EML5: variants seen among roughly 807,000 people sequenced by gnomAD.
EML5 encodes the protein EMAP like 5, also known as echinoderm microtubule-associated protein-like 5.
EML5 carries 120 observed loss-of-function variants against 250.0 expected under a neutral mutation model. The observed-to-expected ratio is 0.48, with a 90% CI of 0.41 to 0.56. EML5 has a LOEUF of 0.56. Ranked by LOEUF, EML5 falls within the 20% of genes least tolerant of loss-of-function variation. The pLI is 0.00. For synonymous variants in EML5, 771 were observed against 806.5 expected (o/e 0.96, Z 0.75); for missense variants, 2,006 against 2,437.6 (o/e 0.82, Z 3.73).
chr14:88,760,888 T>G (rs2094231151), intron 1 of EML5, among the ~76,000 whole-genome samples: 1 of 152,136 alleles, frequency 6.6e-6, no homozygotes, highest in Non-Finnish European at 1.5e-5. Flanking sequence ...TTTGTAAAAT[T>G]TATATAGATA....
At chr14:88,694,990 C>T (rs1293214297) in intron 16 of EML5, among the ~76,000 whole-genome samples, 1 of 152,088 alleles carries the variant, frequency 6.6e-6, no homozygotes, top group East Asian at 1.9e-4. Flanking sequence ...CCTATAACTT[C>T]TTTGTGACAT....
At position 88,712,496 on chromosome 14, in the gene EML5, C is replaced by A. The variant is rs200661206; in HGVS notation, c.1445-13G>T. ...ACTTCCTTTCCTCCTAAAAATAAATCAGAGTCTTAATTTAAAAAGTTATTT... is the reference window on the plus strand; with the variant it reads ...ACTTCCTTTCCTCCTAAAAATAAATAAGAGTCTTAATTTAAAAAGTTATTT... On this transcript the variant is annotated splice_polypyrimidine_tract_variant and intron_variant, in intron 9 of 43. Transcript: ENST00000554922. 9.2e-4 allele frequency: 1,464 copies of A among 1,591,112 alleles called. 14 individuals carry two copies. In the Middle Eastern group the frequency reaches 0.022, roughly 24 times the overall value.
chr14:88,715,880 T>A (rs1472083722), intron 8 of EML5, among the ~76,000 whole-genome samples: 1 of 152,094 alleles, frequency 6.6e-6, no homozygotes, highest in Admixed American at 6.6e-5. Context: ...AGGGACCATG[T>A]TGACCAGTGA....
At chr14:88,754,063 A>T (rs2094132027) in intron 2 of EML5, among the ~76,000 whole-genome samples, 1 of 152,014 alleles carries the variant, frequency 6.6e-6, no homozygotes, top group African/African-American at 2.4e-5. Context: ...CTTGAGCCCA[A>T]GAGTATGAGT....
intron 33 of EML5, among the ~76,000 whole-genome samples, chr14:88,633,723 A>T (rs2090565712): frequency 6.6e-6 from 1 of 152,192 alleles, no homozygotes; most frequent in Non-Finnish European, 1.5e-5. Flanking sequence ...TAACTTCATA[A>T]GCATGGTCGT....
chr14:88,736,489 A>G lies in EML5; in HGVS notation c.924T>C (p.Ile308=). 3 of 1,613,990 alleles carry G rather than the reference A, an allele frequency of 1.9e-6. No homozygotes were observed. Among genetic ancestry groups the G allele is most frequent in the Non-Finnish European group, 2.5e-6 (3 of 1,179,870 alleles). The part of the protein sequence containing the change: ...VGTQDSEIFE[I]VVQERNKPFL... ...AAGGTTTATTTCTTTCTTGCACCAC[A>G]ATTTCAAAAATTTCACTGTCCTGTG... Residue 308 remains isoleucine, a synonymous_variant, in exon 7 of 44, where the codon ATT becomes ATC. Coordinates refer to ENST00000554922, the MANE Select transcript of EML5 (RefSeq NM_183387.3).
chr14:88,770,056 G>A (rs1427293323), intron 1 of EML5, among the ~76,000 whole-genome samples: 1 of 151,072 alleles, frequency 6.6e-6, no homozygotes, highest in Non-Finnish European at 1.5e-5. Flanking sequence ...TCGCAACAAA[G>A]CTCAGCAGCA....
At chr14:88,717,940 G>A (rs1403620803) in intron 8 of EML5, among the ~76,000 whole-genome samples, 1 of 152,168 alleles carries the variant, frequency 6.6e-6, no homozygotes, top group East Asian at 1.9e-4. Flanking sequence ...CGTACTATAG[G>A]TTAAAGATAT....
intron 1 of EML5, among the ~76,000 whole-genome samples, chr14:88,764,122 C>A (rs1279698536): frequency 6.6e-6 from 1 of 152,112 alleles, no homozygotes; most frequent in Non-Finnish European, 1.5e-5. Context: ...GATATATTAT[C>A]CTACTGACGG....
At chr14:88,652,959 T>C (rs905110137) in intron 27 of EML5, among the ~76,000 whole-genome samples, 26 of 152,218 alleles carry the variant, frequency 1.7e-4, no homozygotes, top group African/African-American at 5.8e-4. Flanking sequence ...TTTGTTTGTG[T>C]CCTCTCCTAT....
intron 17 of EML5, among the ~76,000 whole-genome samples, chr14:88,690,095 C>A (rs532562130): frequency 6.6e-6 from 1 of 151,962 alleles, no homozygotes; most frequent in Non-Finnish European, 1.5e-5. Flanking sequence ...GTGCAAAGGC[C>A]CCGATACAAC....
intron 13 of EML5, among the ~76,000 whole-genome samples, chr14:88,703,586 T>C (rs1168039433): frequency 6.6e-6 from 1 of 152,174 alleles, no homozygotes; most frequent in Non-Finnish European, 1.5e-5. Flanking sequence ...ATTTTAACAC[T>C]AGAGAAAAAA....
chr14:88,677,115 G>C (rs1407701286), intron 21 of EML5, among the ~76,000 whole-genome samples: 1 of 152,060 alleles, frequency 6.6e-6, no homozygotes, highest in Non-Finnish European at 1.5e-5. Context: ...ATATTGGCCA[G>C]ACTGGTCTCG....
chr14:88,725,424 A>G (rs1434082676), intron 8 of EML5, among the ~76,000 whole-genome samples: 1 of 152,184 alleles, frequency 6.6e-6, no homozygotes, highest in East Asian at 1.9e-4. Flanking sequence ...ATCTGTTCAT[A>G]ATGGGGAGAT....
At chr14:88,727,320 C>T (rs1438597786) in intron 7 of EML5, among the ~76,000 whole-genome samples, 1 of 151,696 alleles carries the variant, frequency 6.6e-6, no homozygotes, top group Non-Finnish European at 1.5e-5. Flanking sequence ...TTGTAATGAG[C>T]TGAGGAGCAG....
chr14:88,679,157 C>T (rs2092663056), intron 21 of EML5, among the ~76,000 whole-genome samples: 1 of 148,916 alleles, frequency 6.7e-6, no homozygotes, highest in Non-Finnish European at 1.5e-5. Flanking sequence ...TAGAGCCCAA[C>T]CAAATCTAGT....
At chr14:88,638,031 T>TTATCTTAGTC (rs1387174285) in intron 32 of EML5, among the ~76,000 whole-genome samples, 1 of 152,150 alleles carries the variant, frequency 6.6e-6, no homozygotes, top group Non-Finnish European at 1.5e-5. Context: ...ATTAAAAGTA[T>TTATCTTAGTC]AAATTATCTT....
chr14:88,718,654 T>C (rs565931701), intron 8 of EML5, among the ~76,000 whole-genome samples: 211 of 152,196 alleles, frequency 1.4e-3, no homozygotes, highest in African/African-American at 4.9e-3. Context: ...AGAAGGCATA[T>C]AGGAATGAGG....
chr14:88,719,852 GGTT>G (rs564553824), intron 8 of EML5, among the ~76,000 whole-genome samples: 1 of 151,728 alleles, frequency 6.6e-6, no homozygotes, highest in South Asian at 2.1e-4. Context: ...TCTAGGATCT[GGTT>G]TTTTGAAAAA....
Sources: gnomAD v4.1 joint callset for allele counts (sites outside exome capture counted in the v4.1 genomes callset) on GRCh38, gnomAD v4.1.1 for gene constraint, MANE v1.5 for transcripts, NCBI Gene and HGNC (gene_info 2026-07-23, HGNC 2026-07-21) for gene names.